The following RXFP2 variants were observed in gnomAD, a reference collection of about 807,000 sequenced individuals.
RXFP2 encodes relaxin receptor 2.
In RXFP2, 68 loss-of-function variants were observed where a neutral mutation model predicts 88.6. The observed-to-expected ratio is 0.77, with a 90% CI of 0.63 to 0.94. RXFP2 has a LOEUF of 0.94. Among genes scored for constraint, RXFP2 ranks in the 40% least tolerant of loss-of-function variants. The probability of loss-of-function intolerance (pLI) is 0.00; values close to 1 mark genes in which losing one functional copy is unlikely to be tolerated. For synonymous variants in RXFP2, 329 were observed against 306.8 expected (o/e 1.07, Z -0.76); for missense variants, 791 against 893.9 (o/e 0.88, Z 1.47).
chr13:31,760,710 A>G (rs1403280811), intron 2 of RXFP2, among the ~76,000 whole-genome samples: 1 of 152,164 alleles, frequency 6.6e-6, no homozygotes, highest in Non-Finnish European at 1.5e-5. Flanking sequence ...ATCAAAGCAG[A>G]CTGTGGGCAA....
intron 16 of RXFP2, among the ~76,000 whole-genome samples, chr13:31,795,929 C>CT (rs969394290): frequency 4.3e-5 from 6 of 140,068 alleles, no homozygotes; most frequent in Non-Finnish European, 9.1e-5. Context: ...TAACTTTTTT[C>CT]TTTTTTTTAA....
chr13:31,783,962 AC>A, intron 11 of RXFP2, among the ~76,000 whole-genome samples: 1 of 144,046 alleles, frequency 6.9e-6, no homozygotes, highest in South Asian at 2.3e-4. Flanking sequence ...GATTCCAGGT[AC>A]CTGCCACCAT....
chr13:31,754,350 G>A (rs749632799), intron 1 of RXFP2, among the ~76,000 whole-genome samples: 8 of 152,134 alleles, frequency 5.3e-5, no homozygotes, highest in Non-Finnish European at 1.2e-4. Context: ...GACCATTATG[G>A]TGAAACCCCA....
At chr13:31,759,375 G>GAGAAAGAAAAGAAAGAA (rs1872143499) in intron 2 of RXFP2, among the ~76,000 whole-genome samples, 3 of 22,944 alleles carry the variant, frequency 1.3e-4, no homozygotes, top group African/African-American at 5.2e-4. Context: ...CATTTGGATT[G>GAGAAAGAAAAGAAAGAA]AGAAAGAAAG....
rs557016552 is a variant in RXFP2, at chr13:31,802,456, A to C, written c.*51A>C. 8 of 1,581,700 alleles carry C rather than the reference A, an allele frequency of 5.1e-6. No homozygotes were observed. The East Asian group carries it at 1.3e-4, about 27-fold the overall frequency. On this transcript the variant is annotated 3_prime_UTR_variant, in exon 18 of 18. Coordinates refer to ENST00000298386, the MANE Select transcript of RXFP2 (RefSeq NM_130806.5). ...CAGTGGACTACCTAAAACAGGGGAC[A>C]GCTTTTGGAAGATGACATCTGCAAT... is the stretch of plus-strand genomic sequence containing the variant.
In RXFP2 at chr13:31,786,653, C is replaced by T. The variant is rs947099515; in HGVS notation, c.1073+16C>T. 24 of 1,434,590 alleles carry T rather than the reference C, an allele frequency of 1.7e-5. No individual in the cohort carries two copies. Among genetic ancestry groups the T allele is most frequent in the Non-Finnish European group, 2.3e-5 (23 of 1,019,538 alleles). The allele number at this position is 1,434,590 out of a possible 1,614,324, so 88.9% of individuals were successfully genotyped here. ...TTCAGTCTCTGTAAGTGAAATATTA[C>T]AATTATATTGATTATAATTTTAGTG... On this transcript the variant is annotated intron_variant, in intron 13 of 17. Coordinates refer to ENST00000298386, the MANE Select transcript of RXFP2 (RefSeq NM_130806.5).
chr13:31,781,610 A>T (rs920238453), intron 9 of RXFP2, 61 bp from the exon 10 acceptor site: 3 of 1,182,098 alleles, frequency 2.5e-6, no homozygotes, highest in Non-Finnish European at 3.7e-6. Context: ...TTTAAAAAGT[A>T]TCTCTAAGCA....
At chr13:31,769,208 G>A (rs892328235) in intron 5 of RXFP2, among the ~76,000 whole-genome samples, 1 of 152,098 alleles carries the variant, frequency 6.6e-6, no homozygotes, top group Non-Finnish European at 1.5e-5. Flanking sequence ...GGTGGTGAGG[G>A]CTAAAAATAA....
chr13:31,760,735 T>C (rs1318860629), intron 2 of RXFP2, among the ~76,000 whole-genome samples: 1 of 152,234 alleles, frequency 6.6e-6, no homozygotes, highest in East Asian at 1.9e-4. Context: ...TTTAATTGAT[T>C]TAGGTATTTG....
Position 31,795,184 on chromosome 13 carries a change from C to A in RXFP2, c.1787-2017C>A, listed in dbSNP as rs998118166. Among the ~76,000 whole-genome samples, 39 of 151,250 alleles carry A rather than the reference C, an allele frequency of 2.6e-4. 1 individual carries two copies. The highest frequency in any genetic ancestry group is 2.0e-3 in the Admixed American group (30 of 15,194). On this transcript the variant is annotated intron_variant, in intron 16 of 17. Coordinates refer to ENST00000298386, the MANE Select transcript of RXFP2 (RefSeq NM_130806.5). ...TTTTTTTTTGAGACAGAGTCTTGCC[C>A]TGTCTCCCAGGCTGGAGTGCAGTAG...
intron 5 of RXFP2, among the ~76,000 whole-genome samples, chr13:31,769,202 G>A (rs572149802): frequency 6.8e-4 from 103 of 152,288 alleles, no homozygotes; most frequent in African/African-American, 2.3e-3. Flanking sequence ...TTAGGTGGTG[G>A]TGAGGGCTAA....
rs931413151 is a variant in RXFP2 at position 31,802,515 on chromosome 13, C to T, written c.*110C>T. 4 of 1,127,406 alleles carry T rather than the reference C, an allele frequency of 3.5e-6. No individual in the cohort carries two copies. Among genetic ancestry groups the T allele is most frequent in the Middle Eastern group, 2.8e-4 (1 of 3,636 alleles). 69.8% of individuals were successfully genotyped at this position (1,127,406 alleles called of 1,614,324 possible). ...TCTTTACCAACGGCAAGCCTTTCTGCACAGAGAGCACAGCAGAATGGCTCC... is the reference window on the plus strand; with the variant it reads ...TCTTTACCAACGGCAAGCCTTTCTGTACAGAGAGCACAGCAGAATGGCTCC... On this transcript the variant is annotated 3_prime_UTR_variant, in exon 18 of 18. Coordinates refer to ENST00000298386, the MANE Select transcript of RXFP2 (RefSeq NM_130806.5).
intron 2 of RXFP2, 46 bp downstream of exon 2, chr13:31,758,450 A>G: frequency 6.2e-7 from 1 of 1,605,812 alleles, no homozygotes; most frequent in South Asian, 1.1e-5. Context: ...CTTTATGAAC[A>G]CCCCAAAACT....
chr13:31,751,942 C>T (rs1420479831), intron 1 of RXFP2, among the ~76,000 whole-genome samples: 2 of 152,148 alleles, frequency 1.3e-5, no homozygotes, highest in South Asian at 2.1e-4. Flanking sequence ...TAAAAGAATG[C>T]ATCTCTAAAG....
rs1474922158 is a variant in RXFP2, at chr13:31,746,879, C to A, written c.94+7173C>A. Among the ~76,000 whole-genome samples the A allele has an allele frequency of 2.0e-5, 3 of 152,244 alleles. No homozygotes were observed. In the East Asian group the frequency reaches 5.8e-4, roughly 29 times the overall value. On this transcript the variant is annotated intron_variant, in intron 1 of 17. Coordinates refer to ENST00000298386, the MANE Select transcript of RXFP2 (RefSeq NM_130806.5). ...CTCTTTCATTCTGCCTTAAGAGCCA[C>A]TGTAAAAGTATTCCCTTAAAAGCCT...
chr13:31,748,338 A>C (rs1871512270), intron 1 of RXFP2, among the ~76,000 whole-genome samples: 1 of 152,090 alleles, frequency 6.6e-6, no homozygotes, highest in Admixed American at 6.6e-5. Flanking sequence ...TCCAATTAAC[A>C]CTCCACCAGT....
intron 1 of RXFP2, among the ~76,000 whole-genome samples, chr13:31,752,340 T>C (rs1871709019): frequency 6.6e-6 from 1 of 152,018 alleles, no homozygotes; most frequent in Non-Finnish European, 1.5e-5. Flanking sequence ...CATGAAGTGT[T>C]TGCTTTGTCC....
intron 1 of RXFP2, among the ~76,000 whole-genome samples, chr13:31,747,375 C>A (rs957598104): frequency 6.6e-6 from 1 of 152,058 alleles, no homozygotes; most frequent in African/African-American, 2.4e-5. Flanking sequence ...CTTAAAAAAA[C>A]TGAACCATTG....
chr13:31,803,045 AAGAG>A lies in RXFP2; in HGVS notation c.*642_*645del, dbSNP rs1874431088. The A allele has an allele frequency of 6.6e-6, 1 of 152,430 alleles. No individual in the cohort carries two copies. Among genetic ancestry groups the A allele is most frequent in the African/African-American group, 2.4e-5 (1 of 41,444 alleles). The allele number at this position is 152,430 out of a possible 1,614,324, so 9.4% of individuals were successfully genotyped here. A position where few individuals can be genotyped will look rare whatever the true frequency, so the allele number is the denominator to read the frequency against. On this transcript the variant is annotated 3_prime_UTR_variant, in exon 18 of 18. Coordinates refer to ENST00000298386, the MANE Select transcript of RXFP2 (RefSeq NM_130806.5). The stretch of plus-strand genomic sequence containing the variant: ...CCTTTTGGATTTTATTTAATATCAG[AAGAG>A]ATGAATTCTTAAGATATTTTTCTGA...
Sources: gnomAD v4.1 joint callset for allele counts (sites outside exome capture counted in the v4.1 genomes callset) on GRCh38, gnomAD v4.1.1 for gene constraint, MANE v1.5 for transcripts, NCBI Gene and HGNC (gene_info 2026-07-23, HGNC 2026-07-21) for gene names.